The following TMEM181 variants were observed in gnomAD, a reference collection of about 807,000 sequenced individuals.
TMEM181 encodes transmembrane protein 181.
Under a neutral mutation model 71.9 loss-of-function variants are expected in TMEM181, and 39 were observed. The observed-to-expected ratio is 0.54, with a 90% CI of 0.42 to 0.71. TMEM181 has a LOEUF of 0.71. Among genes scored for constraint, TMEM181 ranks in the 30% least tolerant of loss-of-function variants. The pLI is 0.00. For missense variants in TMEM181, 595 were observed against 583.0 expected, an observed-to-expected ratio of 1.02 and a Z score of -0.21; for synonymous variants, 245 against 228.8, an observed-to-expected ratio of 1.07 and a Z score of -0.64.
intron 15 of TMEM181, among the ~76,000 whole-genome samples, chr6:158,630,821 G>GC (rs544158426): frequency 6.6e-6 from 1 of 151,870 alleles, no homozygotes. Flanking sequence ...AACATAGGCA[G>GC]CCCCCCGCAC....
intron 10 of TMEM181, among the ~76,000 whole-genome samples, chr6:158,619,705 C>T (rs1360647268): frequency 6.6e-6 from 1 of 151,954 alleles, no homozygotes; most frequent in South Asian, 2.1e-4. Context: ...GCCGTCTGTA[C>T]TAAAATACAA....
At chr6:158,572,219 C>T (rs1022993336) in intron 1 of TMEM181, among the ~76,000 whole-genome samples, 1 of 152,234 alleles carries the variant, frequency 6.6e-6, no homozygotes, top group Non-Finnish European at 1.5e-5. Context: ...ACTGCAGTCT[C>T]TCAGGCGTGT....
intron 15 of TMEM181, among the ~76,000 whole-genome samples, chr6:158,630,411 G>A (rs1424206771): frequency 2.0e-5 from 3 of 152,078 alleles, no homozygotes; most frequent in South Asian, 2.1e-4. Context: ...AGGGACGGTC[G>A]CTTGAGCCCA....
rs114540380 is a variant in TMEM181, at chr6:158,589,648, G to A, written c.382-24G>A. 3.2e-4 allele frequency: 505 copies of A among 1,591,482 alleles called. 1 individual carries two copies. In the African/African-American group the frequency reaches 6.2e-3, roughly 20 times the overall value. On this transcript the variant is annotated intron_variant, in intron 5 of 16. Transcript: ENST00000684151. Reference sequence around the variant, plus strand: ...AGCGTGAGTCTCGCTTTCTTTAAAGGCAAATCTTTCTGTGTATTTGCAGAA... The same window carrying A: ...AGCGTGAGTCTCGCTTTCTTTAAAGACAAATCTTTCTGTGTATTTGCAGAA...
At position 158,536,876 on chromosome 6, in the gene TMEM181, C is replaced by G. The variant is rs776426399; in HGVS notation, c.131+11C>G. ...TGACCGCTACTACAGGTGGGCGCGG[C>G]GCGGGCAGCGGCGGGGCGGCCGGAG... On this transcript the variant is annotated intron_variant, in intron 1 of 16. Coordinates refer to the TMEM181 transcript ENST00000367090. The G allele has an allele frequency of 3.0e-6, 4 of 1,346,820 alleles. No homozygotes were observed. In the South Asian group the frequency reaches 8.4e-5, roughly 28 times the overall value. 83.4% of individuals were successfully genotyped at this position (1,346,820 alleles called of 1,614,324 possible). A position where few individuals can be genotyped will look rare whatever the true frequency, so the allele number is the denominator to read the frequency against.
chr6:158,572,573 G>C (rs1371341547), intron 1 of TMEM181: 1 of 434,616 alleles, frequency 2.3e-6, no homozygotes, highest in Non-Finnish European at 4.6e-6. Flanking sequence ...GTGCTGCTCA[G>C]AGAAGTAGAG....
intron 10 of TMEM181, among the ~76,000 whole-genome samples, chr6:158,615,968 C>G (rs191731939): frequency 6.6e-6 from 1 of 152,058 alleles, no homozygotes; most frequent in Admixed American, 6.5e-5. Flanking sequence ...GCAATGTGGG[C>G]TCTTTTTTGG....
intron 1 of TMEM181, among the ~76,000 whole-genome samples, chr6:158,541,425 AAAAAAAC>A (rs72240238): frequency 0.43 from 65,459 of 150,876 alleles, 14,470 homozygotes; most frequent in South Asian, 0.54. Flanking sequence ...CTCAAAAAAC[AAAAAAAC>A]AAAAAACAAA....
chr6:158,615,068 C>G (rs1415319797), intron 10 of TMEM181, among the ~76,000 whole-genome samples: 2 of 152,212 alleles, frequency 1.3e-5, no homozygotes, highest in Non-Finnish European at 2.9e-5. Flanking sequence ...GCCACACTGT[C>G]TTCCACAACG....
In TMEM181 at chr6:158,629,736, A is replaced by C. The variant is rs1562317524; in HGVS notation, c.1199A>C (p.Glu400Ala). Reference protein sequence around the residue: ...ELSTHYQNSAEFLSFYGLLNF... With the variant: ...ELSTHYQNSAAFLSFYGLLNF... ...CTTCCCTTGACAGCACCACCAGCCG[A>C]GTTCTTATCTTTCTATGGCCTGTTG... Residue 400 changes from glutamate (E) to alanine (A), a missense_variant, in exon 15 of 17, where the codon GAG (glutamate) becomes GCG (alanine). By Grantham distance (107) the Glu-to-Ala change is moderately radical. Coordinates refer to ENST00000684151, the MANE Select transcript of TMEM181 (RefSeq NM_001376852.1). 2 of 1,608,598 alleles carry C rather than the reference A, an allele frequency of 1.2e-6. No homozygotes were observed.
In TMEM181 at chr6:158,560,590, C is replaced by T. The variant is rs565828605; in HGVS notation, c.8+358C>T. ...GTAGGGTGGCCGCCCGCACGGAGTC[C>T]CGCCGCCTCCCGGGCAGCCTCTCCT... On this transcript the variant is annotated intron_variant, in intron 1 of 16. Transcript: ENST00000684151. Among the ~76,000 whole-genome samples, 20 of 152,234 alleles carry T rather than the reference C, an allele frequency of 1.3e-4. No homozygotes were observed. The East Asian group carries it at 3.7e-3, about 28-fold the overall frequency.
Position 158,623,545 on chromosome 6 carries a change from T to C in TMEM181, c.897-5T>C. 1 of 1,537,516 alleles carries C rather than the reference T, an allele frequency of 6.5e-7. No individual in the cohort carries two copies. Among genetic ancestry groups the C allele is most frequent in the Non-Finnish European group, 8.8e-7 (1 of 1,132,074 alleles). ...TCTATAATTATTTATAATGTCAATT[T>C]TTAGAGTTAACGAATTACATGATCC... On this transcript the variant is annotated splice_polypyrimidine_tract_variant and splice_region_variant and intron_variant, in intron 10 of 16. Transcript: ENST00000684151.
At chr6:158,618,564 G>A (rs926483597) in intron 10 of TMEM181, among the ~76,000 whole-genome samples, 2 of 152,190 alleles carry the variant, frequency 1.3e-5, no homozygotes, top group African/African-American at 4.8e-5. Flanking sequence ...TTGCTTGTTA[G>A]TTGATGCTGT....
chr6:158,625,196 G>A lies in TMEM181; in HGVS notation c.1047G>A (p.Met349Ile), dbSNP rs1562314702. The A allele has an allele frequency of 1.9e-6, 3 of 1,613,950 alleles. No homozygotes were observed. The highest frequency in any genetic ancestry group is 2.5e-6 in the Non-Finnish European group (3 of 1,179,834). ...GGGCGTGTTCCGAGCTACGTCACAT[G>A]CCTTATGTGGGTAAGTGCTCCTTTC... ...IVRACSELRHMPYVDLRLKFL... is the reference protein window; with the variant it reads ...IVRACSELRHIPYVDLRLKFL... The change falls in exon 12 of 17, where the codon ATG becomes ATA. Residue 349 changes from methionine (M) to isoleucine (I), a missense_variant. Physicochemically the swap from Met to Ile is conservative, Grantham distance 10. Transcript: ENST00000684151.
rs775838098 is a variant in TMEM181 at position 158,572,500 on chromosome 6, G to C, written c.9-920G>C. 9 of 456,366 alleles carry C rather than the reference G, an allele frequency of 2.0e-5. No homozygotes were observed. In the Admixed American group the frequency reaches 2.1e-4, roughly 11 times the overall value. The allele number at this position is 456,366 out of a possible 1,614,324, so 28.3% of individuals were successfully genotyped here. A position where few individuals can be genotyped will look rare whatever the true frequency, so the allele number is the denominator to read the frequency against. On this transcript the variant is annotated intron_variant, in intron 1 of 16. Transcript: ENST00000684151. ...GGGTCTCCTCCTCAGGGCACAGGGCGGGGGCCGGCCACACCCCTTTTGTCG... is the reference window on the plus strand; with the variant it reads ...GGGTCTCCTCCTCAGGGCACAGGGCCGGGGCCGGCCACACCCCTTTTGTCG...
intron 1 of TMEM181, among the ~76,000 whole-genome samples, chr6:158,542,689 A>G (rs186006600): frequency 1.8e-4 from 27 of 151,850 alleles, no homozygotes; most frequent in African/African-American, 6.3e-4. Context: ...ACTACAACCT[A>G]CACCTCCTGG....
At chr6:158,619,364 C>T (rs1215651716) in intron 10 of TMEM181, among the ~76,000 whole-genome samples, 1 of 152,182 alleles carries the variant, frequency 6.6e-6, no homozygotes, top group Non-Finnish European at 1.5e-5. Context: ...AAGGTCTTCT[C>T]TGTGCTGTTT....
chr6:158,581,103 C>A (rs1040731834), intron 3 of TMEM181, 108 bp downstream of exon 3: 3 of 1,076,074 alleles, frequency 2.8e-6, no homozygotes, highest in Admixed American at 2.1e-5. Flanking sequence ...CCTTGCCTTG[C>A]GGCTTCTCAG....
intron 1 of TMEM181, among the ~76,000 whole-genome samples, 194 bp from the exon 2 acceptor site, chr6:158,573,226 G>A (rs979782971): frequency 6.6e-6 from 1 of 152,164 alleles, no homozygotes; most frequent in Non-Finnish European, 1.5e-5. Context: ...GCAGGAACGC[G>A]CAGCTCCTGA....
Sources: gnomAD v4.1 joint callset for allele counts (sites outside exome capture counted in the v4.1 genomes callset) on GRCh38, gnomAD v4.1.1 for gene constraint, MANE v1.5 for transcripts, NCBI Gene and HGNC (gene_info 2026-07-23, HGNC 2026-07-21) for gene names.